The following PTPRD variants were observed in gnomAD, a reference collection of about 807,000 sequenced individuals.
The protein encoded by PTPRD is protein tyrosine phosphatase receptor type D, also known as receptor-type tyrosine-protein phosphatase delta.
A neutral mutation model predicts 214.5 loss-of-function variants in PTPRD; 34 were observed. The ratio of observed to expected loss-of-function variants is 0.16; its 90% CI spans 0.12 to 0.21. The LOEUF is 0.21. PTPRD is among the 10% of genes least tolerant of loss of function. The pLI is 1.00. For synonymous variants in PTPRD, 1,128 were observed against 845.7 expected, an observed-to-expected ratio of 1.33 and a Z score of -5.79; for missense variants, 2,545 against 2,398.7, an observed-to-expected ratio of 1.06 and a Z score of -1.27.
intron 11 of PTPRD, among the ~76,000 whole-genome samples, chr9:8,989,817 C>T (rs1287578089): frequency 6.6e-6 from 1 of 151,972 alleles, no homozygotes; most frequent in African/African-American, 2.4e-5. Context: ...GGCACAGTGC[C>T]AGAAACCGTG....
At chr9:9,789,027 C>G (rs1461929050) in intron 5 of PTPRD, among the ~76,000 whole-genome samples, 1 of 152,186 alleles carries the variant, frequency 6.6e-6, no homozygotes, top group Non-Finnish European at 1.5e-5. Context: ...CACCTATCAG[C>G]CTACCTGACA....
At position 10,172,529 on chromosome 9, in the gene PTPRD, A is replaced by AT. The variant is rs1274122285; in HGVS notation, c.-544-138740dup. The stretch of plus-strand genomic sequence containing the variant: ...AACCACTTTCTATCCATAATTCTCC[A>AT]TGTGAGCCACTACATCATGCCTTGT... On this transcript the variant is annotated intron_variant, in intron 3 of 45. Transcript: ENST00000381196. Among the ~76,000 whole-genome samples, 7 of 152,318 alleles carry AT rather than the reference A, an allele frequency of 4.6e-5. No homozygotes were observed. The East Asian group carries it at 1.4e-3, about 29-fold the overall frequency.
intron 12 of PTPRD, among the ~76,000 whole-genome samples, chr9:8,722,902 G>A (rs1012668855): frequency 5.3e-5 from 8 of 152,154 alleles, no homozygotes; most frequent in Non-Finnish European, 1.0e-4. Context: ...ATCGGCTGGT[G>A]CAAAGAAAAT....
At chr9:10,576,600 T>C (rs574741607) in intron 2 of PTPRD, among the ~76,000 whole-genome samples, 1 of 152,264 alleles carries the variant, frequency 6.6e-6, no homozygotes, top group East Asian at 1.9e-4. Context: ...GTTGACTGAT[T>C]TTCTTCCCTG....
chr9:10,158,505 G>A (rs2099107644), intron 3 of PTPRD, among the ~76,000 whole-genome samples: 1 of 152,116 alleles, frequency 6.6e-6, no homozygotes. Context: ...TACCAAAATA[G>A]CAGCCTAGAA....
At chr9:9,395,522 C>T (rs544430677) in intron 9 of PTPRD, among the ~76,000 whole-genome samples, 4 of 151,928 alleles carry the variant, frequency 2.6e-5, no homozygotes, top group Admixed American at 2.6e-4. Context: ...GATTTTGAAA[C>T]TTCTACTTCC....
At chr9:8,744,300 A>G (rs1164351336) in intron 11 of PTPRD, among the ~76,000 whole-genome samples, 7 of 152,208 alleles carry the variant, frequency 4.6e-5, no homozygotes, top group Non-Finnish European at 8.8e-5. Context: ...ACTACTAAGT[A>G]TCTACCTAGA....
intron 11 of PTPRD, among the ~76,000 whole-genome samples, chr9:8,814,198 CA>C: frequency 6.6e-6 from 1 of 152,222 alleles, no homozygotes; most frequent in Middle Eastern, 3.4e-3. Flanking sequence ...TCCTGAAACT[CA>C]AAAGTTAATG....
intron 2 of PTPRD, among the ~76,000 whole-genome samples, chr9:10,408,949 TA>T (rs2098405704): frequency 6.6e-6 from 1 of 151,774 alleles, no homozygotes; most frequent in Non-Finnish European, 1.5e-5. Flanking sequence ...ACCTGTTCAA[TA>T]GATATATGCT....
chr9:10,381,319 G>C (rs979471580), intron 2 of PTPRD, among the ~76,000 whole-genome samples: 1 of 151,928 alleles, frequency 6.6e-6, no homozygotes, highest in Non-Finnish European at 1.5e-5. Flanking sequence ...ACATACAAAG[G>C]TTTTGCTGCA....
intron 3 of PTPRD, among the ~76,000 whole-genome samples, chr9:10,199,861 C>A (rs1375730082): frequency 6.6e-6 from 1 of 150,926 alleles, no homozygotes. Flanking sequence ...GAGGCAATAC[C>A]AACATAACTA....
At chr9:9,781,489 G>C (rs2098842275) in intron 5 of PTPRD, among the ~76,000 whole-genome samples, 1 of 152,150 alleles carries the variant, frequency 6.6e-6, no homozygotes, top group Non-Finnish European at 1.5e-5. Context: ...AATCAAATCA[G>C]TAAGATCTAA....
At chr9:9,133,745 C>T (rs920711481) in intron 10 of PTPRD, among the ~76,000 whole-genome samples, 1 of 152,108 alleles carries the variant, frequency 6.6e-6, no homozygotes, top group Admixed American at 6.6e-5. Context: ...ACAGACTTTT[C>T]AATTGTTTTT....
intron 3 of PTPRD, among the ~76,000 whole-genome samples, chr9:10,206,238 T>G (rs1244600386): frequency 6.6e-6 from 1 of 152,158 alleles, no homozygotes; most frequent in African/African-American, 2.4e-5. Flanking sequence ...CAAAGAGGCT[T>G]AGTTTTTATG....
At chr9:10,370,705 A>G (rs137983421) in intron 2 of PTPRD, among the ~76,000 whole-genome samples, 89 of 152,232 alleles carry the variant, frequency 5.8e-4, no homozygotes, top group African/African-American at 2.0e-3. Context: ...TTAAGAAGCT[A>G]GAATTTTTTC....
intron 11 of PTPRD, among the ~76,000 whole-genome samples, chr9:8,854,235 T>C (rs529129908): frequency 6.6e-6 from 1 of 152,254 alleles, no homozygotes; most frequent in Admixed American, 6.5e-5. Flanking sequence ...GCTCCTAGGA[T>C]CACAAGTTAG....
At chr9:8,862,663 T>C (rs2098127399) in intron 11 of PTPRD, among the ~76,000 whole-genome samples, 1 of 152,254 alleles carries the variant, frequency 6.6e-6, no homozygotes, top group Admixed American at 6.5e-5. Flanking sequence ...TGCAATCATT[T>C]ATGCTTTCTT....
chr9:9,471,099 T>G, intron 8 of PTPRD, among the ~76,000 whole-genome samples: 1 of 152,224 alleles, frequency 6.6e-6, no homozygotes, highest in Non-Finnish European at 1.5e-5. Context: ...CATTAAGTAC[T>G]TTGTTCTTCA....
At position 9,549,135 on chromosome 9, in the gene PTPRD, TATAAA is replaced by T. The variant is rs2079559879; in HGVS notation, c.-237+25592_-237+25596del. Among the ~76,000 whole-genome samples the T allele has an allele frequency of 3.3e-5, 5 of 152,068 alleles. No individual in the cohort carries two copies. The South Asian group carries it at 1.0e-3, about 32-fold the overall frequency. ...AGATAAGAAATAGAAAGCACAAACTTATAAAAGAAAAAAAGCTTAAAACTCGGGCT... is the reference window on the plus strand; with the variant it reads ...AGATAAGAAATAGAAAGCACAAACTTAGAAAAAAAGCTTAAAACTCGGGCT... On this transcript the variant is annotated intron_variant, in intron 8 of 45. Coordinates refer to ENST00000381196, the MANE Select transcript of PTPRD (RefSeq NM_002839.4).
Sources: gnomAD v4.1 joint callset for allele counts (sites outside exome capture counted in the v4.1 genomes callset) on GRCh38, gnomAD v4.1.1 for gene constraint, MANE v1.5 for transcripts, NCBI Gene and HGNC (gene_info 2026-07-23, HGNC 2026-07-21) for gene names.